SLC24A3: variants seen among roughly 807,000 people sequenced by gnomAD.
SLC24A3 encodes the protein solute carrier family 24 member 3.
Under a neutral mutation model 75.8 loss-of-function variants are expected in SLC24A3, and 28 were observed. The observed-to-expected ratio is 0.37, with a 90% CI of 0.27 to 0.51. The LOEUF (loss-of-function observed/expected upper bound fraction) is 0.51. SLC24A3 is among the 20% of genes least tolerant of loss of function. SLC24A3 has a pLI of 0.94. For missense variants in SLC24A3, 663 were observed against 847.8 expected (o/e 0.78, Z 2.71); for synonymous variants, 372 against 334.1 (o/e 1.11, Z -1.24).
intron 3 of SLC24A3, among the ~76,000 whole-genome samples, chr20:19,529,618 G>C (rs144472079): frequency 6.6e-6 from 1 of 152,098 alleles, no homozygotes; most frequent in African/African-American, 2.4e-5. Context: ...AAGACTGCAC[G>C]ATCTGGCCCT....
chr20:19,377,855 G>T (rs1986112837), intron 2 of SLC24A3, among the ~76,000 whole-genome samples: 1 of 152,198 alleles, frequency 6.6e-6, no homozygotes, highest in Admixed American at 6.5e-5. Context: ...AAACAGGGTG[G>T]CCCACTACAG....
At chr20:19,263,188 G>A (rs1388065431) in intron 1 of SLC24A3, among the ~76,000 whole-genome samples, 2 of 152,134 alleles carry the variant, frequency 1.3e-5, no homozygotes, top group African/African-American at 4.8e-5. Context: ...GGTAGTGGCT[G>A]CAATGAGCAG....
At chr20:19,492,394 T>C (rs1400017015) in intron 2 of SLC24A3, among the ~76,000 whole-genome samples, 1 of 152,224 alleles carries the variant, frequency 6.6e-6, no homozygotes, top group African/African-American at 2.4e-5. Context: ...CAACTCCACT[T>C]ATCTGCCAGT....
chr20:19,687,444 C>T (rs1476455410), intron 12 of SLC24A3, among the ~76,000 whole-genome samples: 2 of 152,230 alleles, frequency 1.3e-5, no homozygotes, highest in African/African-American at 2.4e-5. Flanking sequence ...GATAGCTCAT[C>T]CCACTCACAG....
chr20:19,659,259 T>C (rs901579389), intron 7 of SLC24A3, among the ~76,000 whole-genome samples: 1 of 152,110 alleles, frequency 6.6e-6, no homozygotes, highest in African/African-American at 2.4e-5. Context: ...AGCAGCGAGG[T>C]TCCTTTACAC....
intron 1 of SLC24A3, among the ~76,000 whole-genome samples, chr20:19,266,375 G>A (rs990961704): frequency 3.3e-5 from 5 of 152,198 alleles, no homozygotes; most frequent in Admixed American, 1.3e-4. Context: ...TTCCAGTCAG[G>A]ATTGTGGAGA....
At chr20:19,474,066 C>T (rs987755584) in intron 2 of SLC24A3, among the ~76,000 whole-genome samples, 34 of 152,200 alleles carry the variant, frequency 2.2e-4, no homozygotes, top group Admixed American at 4.6e-4. Context: ...TTACTCAACA[C>T]GGGTCCCTGA....
intron 4 of SLC24A3, among the ~76,000 whole-genome samples, chr20:19,583,867 G>A (rs1011784000): frequency 9.2e-5 from 14 of 152,162 alleles, no homozygotes; most frequent in Admixed American, 5.9e-4. Context: ...GTGAAGCTTC[G>A]CTGTCCAGCC....
chr20:19,450,850 T>C (rs1190542449), intron 2 of SLC24A3, among the ~76,000 whole-genome samples: 2 of 151,968 alleles, frequency 1.3e-5, no homozygotes, highest in Non-Finnish European at 2.9e-5. Context: ...AATAGAAAAA[T>C]TAGCCGGGCA....
intron 1 of SLC24A3, among the ~76,000 whole-genome samples, chr20:19,264,745 A>AAAAC (rs10691363): frequency 6.8e-6 from 1 of 146,396 alleles, no homozygotes; most frequent in Admixed American, 7.0e-5. Context: ...AAAAAAAAAA[A>AAAAC]CAAAACAAAA....
intron 12 of SLC24A3, among the ~76,000 whole-genome samples, chr20:19,687,501 C>T (rs1418177026): frequency 6.6e-6 from 1 of 152,220 alleles, no homozygotes; most frequent in Non-Finnish European, 1.5e-5. Flanking sequence ...ACTTACTCAA[C>T]CCCTGTTTTC....
chr20:19,548,533 A>G (rs1275348856), intron 3 of SLC24A3, among the ~76,000 whole-genome samples: 1 of 152,244 alleles, frequency 6.6e-6, no homozygotes, highest in Non-Finnish European at 1.5e-5. Context: ...GCAACCATTT[A>G]TCATCTCAGA....
intron 6 of SLC24A3, among the ~76,000 whole-genome samples, chr20:19,609,243 T>C (rs2031640189): frequency 6.6e-6 from 1 of 152,096 alleles, no homozygotes; most frequent in Non-Finnish European, 1.5e-5. Context: ...TCTTCTACCA[T>C]TTTATGGGGA....
chr20:19,428,721 A>G (rs1383087315), intron 2 of SLC24A3, among the ~76,000 whole-genome samples: 1 of 152,154 alleles, frequency 6.6e-6, no homozygotes, highest in East Asian at 1.9e-4. Flanking sequence ...TCCAGATTCC[A>G]TCACTTCTTG....
chr20:19,253,946 G>C (rs1471990803), intron 1 of SLC24A3, among the ~76,000 whole-genome samples: 1 of 152,202 alleles, frequency 6.6e-6, no homozygotes, highest in Non-Finnish European at 1.5e-5. Flanking sequence ...GTAGGGTGTA[G>C]TGGAGGCTGT....
chr20:19,659,213 G>GT (rs984340306), intron 7 of SLC24A3, among the ~76,000 whole-genome samples: 9 of 152,170 alleles, frequency 5.9e-5, no homozygotes, highest in Non-Finnish European at 1.5e-5. Flanking sequence ...CTTGGCAGCA[G>GT]TTTGGGGGTC....
intron 2 of SLC24A3, among the ~76,000 whole-genome samples, chr20:19,454,558 T>C (rs1487682884): frequency 1.3e-5 from 2 of 152,198 alleles, no homozygotes; most frequent in East Asian, 3.9e-4. Flanking sequence ...TATAATGCCA[T>C]GTCTGAACTT....
chr20:19,518,806 C>G (rs1303976925), intron 3 of SLC24A3, among the ~76,000 whole-genome samples: 3 of 152,196 alleles, frequency 2.0e-5, no homozygotes, highest in African/African-American at 7.2e-5. Context: ...GCCCTACAGT[C>G]AGTTGAGAAG....
chr20:19,575,789 A>G (rs2031126693), intron 3 of SLC24A3, among the ~76,000 whole-genome samples: 1 of 152,180 alleles, frequency 6.6e-6, no homozygotes, highest in African/African-American at 2.4e-5. Flanking sequence ...TAAAAATAAT[A>G]ATATTGATAA....
Sources: gnomAD v4.1 joint callset for allele counts (sites outside exome capture counted in the v4.1 genomes callset) on GRCh38, gnomAD v4.1.1 for gene constraint, MANE v1.5 for transcripts, NCBI Gene and HGNC (gene_info 2026-07-23, HGNC 2026-07-21) for gene names.